Variants in MTMR3 observed in about 807,000 individuals in gnomAD.
The protein encoded by MTMR3 is phosphatidylinositol-3,5-bisphosphate 3-phosphatase MTMR3.
MTMR3 carries 32 observed loss-of-function variants against 132.4 expected under a neutral mutation model. That is an observed-to-expected ratio of 0.24 (90% CI 0.18 to 0.32). The LOEUF (loss-of-function observed/expected upper bound fraction) is 0.32. Among genes scored for constraint, MTMR3 ranks in the 10% least tolerant of loss-of-function variants. The pLI is 1.00. For missense variants in MTMR3, 1,216 were observed against 1,489.6 expected (o/e 0.82, Z 3.02); for synonymous variants, 556 against 550.3 (o/e 1.01, Z -0.14).
chr22:29,998,482 A>C (rs991730984), intron 7 of MTMR3: 6 of 178,504 alleles, frequency 3.4e-5, no homozygotes, highest in Non-Finnish European at 7.0e-5. Context: ...ATCTCTACTG[A>C]AAGTGCAAAA....
intron 1 of MTMR3, among the ~76,000 whole-genome samples, chr22:29,915,969 A>G (rs1339742627): frequency 6.6e-6 from 1 of 152,100 alleles, no homozygotes; most frequent in African/African-American, 2.4e-5. Context: ...AACTTACGAC[A>G]TTCTGCCTTC....
chr22:29,978,243 C>T (rs2066668850), intron 3 of MTMR3, 199 bp from the exon 4 acceptor site: 2 of 413,100 alleles, frequency 4.8e-6, no homozygotes, highest in African/African-American at 2.0e-5. Context: ...TTTTTTGCAT[C>T]AATGTGTTTT....
At chr22:29,984,469 C>G (rs1270165057) in intron 5 of MTMR3, 2 of 152,182 alleles carry the variant, frequency 1.3e-5, no homozygotes, top group African/African-American at 2.4e-5. Flanking sequence ...AACTGCTGCT[C>G]TTCTGCTTTT....
intron 1 of MTMR3, among the ~76,000 whole-genome samples, chr22:29,909,761 C>T (rs559404255): frequency 7.0e-4 from 107 of 152,246 alleles, no homozygotes; most frequent in African/African-American, 2.4e-3. Context: ...ATAAATATCA[C>T]CATATATGTA....
intron 2 of MTMR3, among the ~76,000 whole-genome samples, chr22:29,963,508 G>A (rs1346607654): frequency 1.3e-5 from 2 of 151,208 alleles, no homozygotes; most frequent in Non-Finnish European, 2.9e-5. Flanking sequence ...TCCTGCGTCA[G>A]CCTCCCAAGT....
chr22:30,027,093 T>C lies in MTMR3; in HGVS notation c.*1292T>C, dbSNP rs1178858992. 1 of 152,742 alleles carries C rather than the reference T, an allele frequency of 6.5e-6. No individual in the cohort carries two copies. The highest frequency in any genetic ancestry group is 1.9e-4 in the East Asian group (1 of 5,238). 9.5% of individuals were successfully genotyped at this position (152,742 alleles called of 1,614,324 possible). A position where few individuals can be genotyped will look rare whatever the true frequency, so the allele number is the denominator to read the frequency against. Reference sequence around the variant, plus strand: ...AACAGCCTTAAATCAAGAATATTTGTGGAGGTAGGTGTGGGGAAGGTTGGA... The same window carrying C: ...AACAGCCTTAAATCAAGAATATTTGCGGAGGTAGGTGTGGGGAAGGTTGGA... On this transcript the variant is annotated 3_prime_UTR_variant, in exon 20 of 20. Transcript: ENST00000401950.
intron 7 of MTMR3, chr22:29,995,823 C>G (rs2067049588): frequency 6.6e-6 from 1 of 152,170 alleles, no homozygotes; most frequent in Non-Finnish European, 1.5e-5. Context: ...GAGTGAACAT[C>G]TCACACAATT....
At chr22:29,927,964 G>T in intron 1 of MTMR3, among the ~76,000 whole-genome samples, 1 of 76,102 alleles carries the variant, frequency 1.3e-5, no homozygotes, top group Non-Finnish European at 2.6e-5. Flanking sequence ...TTTTTGAGAC[G>T]ACGTCTTGCT....
At chr22:30,009,332 T>G (rs530835247) in intron 12 of MTMR3, 6 of 533,294 alleles carry the variant, frequency 1.1e-5, no homozygotes, top group South Asian at 7.4e-5. Context: ...AGAGGAAGAG[T>G]TGGGAGAAAA....
At chr22:29,941,805 G>A (rs1897631142) in intron 1 of MTMR3, among the ~76,000 whole-genome samples, 2 of 152,018 alleles carry the variant, frequency 1.3e-5, no homozygotes, top group Non-Finnish European at 2.9e-5. Flanking sequence ...GTACAATTCA[G>A]TGGCATCTCT....
intron 2 of MTMR3, among the ~76,000 whole-genome samples, chr22:29,963,296 T>G (rs1203609428): frequency 2.6e-5 from 4 of 151,950 alleles, no homozygotes; most frequent in Admixed American, 2.0e-4. Flanking sequence ...TTGCCCAGGC[T>G]GGTCTCAAAC....
chr22:29,978,578 C>T (rs1371122074), intron 4 of MTMR3, 47 bp downstream of exon 4: 1 of 1,452,062 alleles, frequency 6.9e-7, no homozygotes, highest in Non-Finnish European at 9.6e-7. Flanking sequence ...TTAGCATTAA[C>T]TGTATAGCAG....
At chr22:29,961,383 G>C (rs1038829156) in intron 2 of MTMR3, among the ~76,000 whole-genome samples, 1 of 151,956 alleles carries the variant, frequency 6.6e-6, no homozygotes, top group African/African-American at 2.4e-5. Flanking sequence ...ATGGAATACT[G>C]AACTGCCATA....
chr22:29,967,193 T>TTTG (rs1491151076), intron 2 of MTMR3, among the ~76,000 whole-genome samples: 1 of 141,958 alleles, frequency 7.0e-6, no homozygotes, highest in Non-Finnish European at 1.5e-5. Context: ...TTCACCTCTG[T>TTTG]TGTGTGTGTG....
chr22:29,940,488 T>C (rs1319641203), intron 1 of MTMR3, among the ~76,000 whole-genome samples: 1 of 150,224 alleles, frequency 6.7e-6, no homozygotes, highest in East Asian at 1.9e-4. Context: ...AAAGCCTGTT[T>C]GGTGGACTCT....
At chr22:29,988,598 G>A in intron 6 of MTMR3, 36 bp downstream of exon 6, 2 of 1,494,004 alleles carry the variant, frequency 1.3e-6, no homozygotes, top group Non-Finnish European at 1.8e-6. Flanking sequence ...GCTGTTTAGT[G>A]TGGAAAATAT....
chr22:29,919,388 G>A (rs534312328), intron 1 of MTMR3, among the ~76,000 whole-genome samples: 3 of 152,158 alleles, frequency 2.0e-5, no homozygotes, highest in African/African-American at 7.2e-5. Context: ...TGCATTGAAA[G>A]CAAAAGCTAG....
At chr22:30,001,918 C>A (rs181804933) in intron 8 of MTMR3, 3 of 152,236 alleles carry the variant, frequency 2.0e-5, no homozygotes, top group African/African-American at 7.2e-5. Context: ...TGATCAAAAC[C>A]CCCAAATCCT....
chr22:29,889,678 A>G (rs1377609028), intron 1 of MTMR3, among the ~76,000 whole-genome samples: 2 of 151,884 alleles, frequency 1.3e-5, no homozygotes, highest in East Asian at 1.9e-4. Context: ...TTTTTTTCTT[A>G]TACATATCTA....
Sources: allele counts gnomAD v4.1 joint callset (sites outside exome capture counted in the v4.1 genomes callset), GRCh38; gene constraint gnomAD v4.1.1; transcripts MANE v1.5; gene names NCBI Gene and HGNC (gene_info 2026-07-23, HGNC 2026-07-21).